AKAIN1: variants seen among roughly 807,000 people sequenced by gnomAD.
AKAIN1 encodes A-kinase anchor inhibitor 1.
AKAIN1 carries 3 observed loss-of-function variants against 3.7 expected under a neutral mutation model. The ratio of observed to expected loss-of-function variants is 0.82; its 90% CI spans 0.37 to 2.12. The LOEUF (loss-of-function observed/expected upper bound fraction) is 2.12, where lower values mean the gene tolerates loss of function less well. Among genes scored for constraint, AKAIN1 ranks in the 30% most tolerant of loss-of-function variants. The pLI, the probability that AKAIN1 is intolerant of heterozygous loss-of-function variation, is 0.06. For missense variants in AKAIN1, 82 were observed against 82.7 expected (o/e 0.99, Z 0.03); for synonymous variants, 31 against 30.8 (o/e 1.01, Z -0.02).
intron 1 of AKAIN1, among the ~76,000 whole-genome samples, chr18:5,196,483 T>TG (rs2071348318): frequency 6.6e-6 from 1 of 152,268 alleles, no homozygotes; most frequent in African/African-American, 2.4e-5. Context: ...TAGCTGCCTC[T>TG]GTGCTGCAGC....
At chr18:5,180,758 C>T (rs1598314237) in intron 1 of AKAIN1, among the ~76,000 whole-genome samples, 1 of 151,890 alleles carries the variant, frequency 6.6e-6, no homozygotes, top group East Asian at 1.9e-4. Flanking sequence ...TTTTATTCCC[C>T]CCAAAATGCA....
At chr18:5,183,956 G>A (rs2071273236) in intron 1 of AKAIN1, among the ~76,000 whole-genome samples, 1 of 151,982 alleles carries the variant, frequency 6.6e-6, no homozygotes, top group African/African-American at 2.4e-5. Context: ...GCACATCACA[G>A]GCTTCTTGTG....
At chr18:5,181,947 G>C (rs2071261036) in intron 1 of AKAIN1, among the ~76,000 whole-genome samples, 1 of 152,044 alleles carries the variant, frequency 6.6e-6, no homozygotes, top group African/African-American at 2.4e-5. Flanking sequence ...ACCCTCACCA[G>C]AAAATCATCA....
intron 1 of AKAIN1, among the ~76,000 whole-genome samples, chr18:5,189,041 C>A (rs2071303597): frequency 6.6e-6 from 1 of 152,168 alleles, no homozygotes; most frequent in South Asian, 2.1e-4. Flanking sequence ...ACAGCTTGTA[C>A]CTTTTAGAGC....
Position 5,195,089 on chromosome 18 carries a change from T to C in AKAIN1, c.16+1949A>G, listed in dbSNP as rs140727294. ...TTGACACAGTATTTTTAGCATCCTG[T>C]TCTTATTGTCCCAAATGCTTATGAT... On this transcript the variant is annotated intron_variant, in intron 1 of 1. Coordinates refer to ENST00000434239, the MANE Select transcript of AKAIN1 (RefSeq NM_001145194.2). Among the ~76,000 whole-genome samples the C allele has an allele frequency of 3.9e-5, 6 of 152,254 alleles. No individual in the cohort carries two copies. In the East Asian group the frequency reaches 1.2e-3, roughly 29 times the overall value.
chr18:5,170,311 T>A (rs2071190289), intron 1 of AKAIN1, among the ~76,000 whole-genome samples: 1 of 152,144 alleles, frequency 6.6e-6, no homozygotes, highest in African/African-American at 2.4e-5. Context: ...TCATTAACTA[T>A]TTAGAGGTCT....
intron 1 of AKAIN1, among the ~76,000 whole-genome samples, chr18:5,182,618 C>T (rs1427988644): frequency 3.3e-5 from 5 of 152,058 alleles, no homozygotes; most frequent in Non-Finnish European, 5.9e-5. Context: ...CTGAAATACT[C>T]TTATCAGTTT....
In AKAIN1 at chr18:5,197,117, GA is replaced by G; in HGVS notation, c.-65del. On this transcript the variant is annotated 5_prime_UTR_variant, in exon 1 of 2. Transcript: ENST00000434239. The surrounding 1 kb of genome is among the most constrained non-coding windows in gnomAD (Gnocchi z 6.9). The stretch of plus-strand genomic sequence containing the variant: ...AAGACAGGCAGACGGAGGATGGGAA[GA>G]AGGCCGGACTTGGCGGGGTCCGGTG... The G allele has an allele frequency of 1.9e-6, 3 of 1,549,052 alleles. No homozygotes were observed. The highest frequency in any genetic ancestry group is 2.6e-6 in the Non-Finnish European group (3 of 1,146,728).
At chr18:5,177,591 A>C (rs996828345) in intron 1 of AKAIN1, among the ~76,000 whole-genome samples, 2 of 152,150 alleles carry the variant, frequency 1.3e-5, no homozygotes, top group African/African-American at 4.8e-5. Flanking sequence ...AACCCTCTAA[A>C]CAAAGTAAGA....
At chr18:5,164,826 A>G (rs1385493777) in intron 1 of AKAIN1, among the ~76,000 whole-genome samples, 1 of 152,086 alleles carries the variant, frequency 6.6e-6, no homozygotes, top group African/African-American at 2.4e-5. Context: ...GCAAAAATAA[A>G]TTGGTGCAGA....
At chr18:5,189,753 TCTC>T (rs772899941) in intron 1 of AKAIN1, among the ~76,000 whole-genome samples, 8 of 130,648 alleles carry the variant, frequency 6.1e-5, no homozygotes, top group Non-Finnish European at 1.1e-4. Flanking sequence ...TTCCTACAGC[TCTC>T]TTTTTTTTTT....
intron 1 of AKAIN1, among the ~76,000 whole-genome samples, chr18:5,165,799 C>T (rs369320916): frequency 1.3e-5 from 2 of 152,050 alleles, no homozygotes; most frequent in African/African-American, 2.4e-5. Flanking sequence ...GAGCTTGGCT[C>T]AGGATCCTTC....
chr18:5,155,195 T>G (rs28647932), intron 1 of AKAIN1, among the ~76,000 whole-genome samples: 2,408 of 152,210 alleles, frequency 0.016, 45 homozygotes, highest in African/African-American at 0.05. Flanking sequence ...AGCCTTCCTT[T>G]GGGATAAGAG....
At chr18:5,160,216 G>C (rs1598307386) in intron 1 of AKAIN1, among the ~76,000 whole-genome samples, 1 of 152,228 alleles carries the variant, frequency 6.6e-6, no homozygotes, top group Middle Eastern at 3.4e-3. Flanking sequence ...CCTCAGCAAG[G>C]AACCCTGTCA....
chr18:5,175,047 T>C (rs1381167818), intron 1 of AKAIN1, among the ~76,000 whole-genome samples: 3 of 152,180 alleles, frequency 2.0e-5, no homozygotes, highest in Non-Finnish European at 4.4e-5. Context: ...TCAGAGGCAC[T>C]CTGTGCTTGG....
intron 1 of AKAIN1, among the ~76,000 whole-genome samples, chr18:5,148,517 G>T (rs2071062028): frequency 6.6e-6 from 1 of 152,168 alleles, no homozygotes; most frequent in Admixed American, 6.5e-5. Flanking sequence ...TATGTGGGAG[G>T]CTATGAAATA....
chr18:5,167,017 G>A (rs548431611), intron 1 of AKAIN1, among the ~76,000 whole-genome samples: 1 of 152,102 alleles, frequency 6.6e-6, no homozygotes, highest in South Asian at 2.1e-4. Flanking sequence ...AGTAGTAAAT[G>A]ATACATGAAG....
chr18:5,157,470 G>A (rs780861959), intron 1 of AKAIN1, among the ~76,000 whole-genome samples: 12 of 152,144 alleles, frequency 7.9e-5, no homozygotes, highest in Non-Finnish European at 1.2e-4. Flanking sequence ...GCCTCCCATT[G>A]CATTTGGAAA....
intron 1 of AKAIN1, among the ~76,000 whole-genome samples, chr18:5,193,139 T>C (rs2071331217): frequency 6.6e-6 from 1 of 152,210 alleles, no homozygotes; most frequent in Non-Finnish European, 1.5e-5. Context: ...AAATACTTTC[T>C]TATATGTATT....
Sources: allele counts gnomAD v4.1 joint callset (sites outside exome capture counted in the v4.1 genomes callset), GRCh38; gene constraint gnomAD v4.1.1; non-coding constraint Gnocchi (gnomAD v3.1); transcripts MANE v1.5; gene names NCBI Gene and HGNC (gene_info 2026-07-23, HGNC 2026-07-21).